The following RAP1GAP2 variants were observed in gnomAD, a reference collection of about 807,000 sequenced individuals.
RAP1GAP2 encodes rap1 GTPase-activating protein 2.
A neutral mutation model predicts 95.0 loss-of-function variants in RAP1GAP2; 27 were observed. The ratio of observed to expected loss-of-function variants is 0.28; its 90% CI spans 0.21 to 0.39. The LOEUF (loss-of-function observed/expected upper bound fraction) is 0.39. RAP1GAP2 is among the 10% of genes least tolerant of loss of function. The pLI, the probability that RAP1GAP2 is intolerant of heterozygous loss-of-function variation, is 1.00. For missense variants in RAP1GAP2, 771 were observed against 970.0 expected, an observed-to-expected ratio of 0.79 and a Z score of 2.72; for synonymous variants, 373 against 380.9, an observed-to-expected ratio of 0.98 and a Z score of 0.24.
At chr17:2,839,025 A>G (rs899854201) in intron 2 of RAP1GAP2, among the ~76,000 whole-genome samples, 1 of 152,056 alleles carries the variant, frequency 6.6e-6, no homozygotes, top group Admixed American at 6.6e-5. Context: ...AGAAAAGGCC[A>G]AGTGTGGTGG....
At chr17:2,765,160 TA>T (rs779850809) in intron 1 of RAP1GAP2, among the ~76,000 whole-genome samples, 22 of 152,100 alleles carry the variant, frequency 1.4e-4, no homozygotes, top group Admixed American at 2.0e-4. Context: ...ATGGAAGTCA[TA>T]ATCTTTCCTC....
intron 2 of RAP1GAP2, among the ~76,000 whole-genome samples, chr17:2,833,707 A>G (rs1005978536): frequency 3.4e-4 from 52 of 150,848 alleles, no homozygotes; most frequent in Non-Finnish European, 1.9e-4. Flanking sequence ...AAAAAAAAAA[A>G]AAAAGAAAAG....
intron 16 of RAP1GAP2, 62 bp downstream of exon 16, chr17:3,006,103 A>T: frequency 8.8e-7 from 1 of 1,137,886 alleles, no homozygotes; most frequent in Non-Finnish European, 1.3e-6. Context: ...AGCCAGCCTC[A>T]TCCAGGGCTC....
At chr17:2,847,069 C>T (rs191541820) in intron 2 of RAP1GAP2, among the ~76,000 whole-genome samples, 21 of 152,110 alleles carry the variant, frequency 1.4e-4, no homozygotes, top group Middle Eastern at 3.4e-3. Context: ...AGTGCAGTGG[C>T]GCGATCTCGG....
chr17:3,000,371 T>A (rs188351309), intron 14 of RAP1GAP2, among the ~76,000 whole-genome samples: 25 of 152,290 alleles, frequency 1.6e-4, no homozygotes, highest in East Asian at 1.5e-3. Context: ...TGCGCCAAGC[T>A]CCAGGCTGGA....
chr17:2,910,000 G>T (rs1466496007), intron 3 of RAP1GAP2, among the ~76,000 whole-genome samples: 1 of 152,168 alleles, frequency 6.6e-6, no homozygotes, highest in Admixed American at 6.5e-5. Flanking sequence ...CCCTTTGTGT[G>T]AAAGCTAACC....
intron 20 of RAP1GAP2, 100 bp from the exon 21 acceptor site, chr17:3,026,250 G>A (rs955091452): frequency 1.9e-5 from 25 of 1,313,274 alleles, no homozygotes; most frequent in East Asian, 2.5e-5. Context: ...AAGGCCGACG[G>A]GTGGGGGCGT....
At chr17:2,951,898 G>A (rs545373043) in intron 3 of RAP1GAP2, among the ~76,000 whole-genome samples, 1 of 152,224 alleles carries the variant, frequency 6.6e-6, no homozygotes, top group African/African-American at 2.4e-5. Context: ...ACTGGGTTTG[G>A]TGGTGGGCGC....
upstream of RAP1GAP2, among the ~76,000 whole-genome samples, chr17:2,775,443 G>A (rs1224141990): frequency 2.0e-5 from 3 of 151,288 alleles, no homozygotes; most frequent in South Asian, 2.1e-4. Flanking sequence ...GCACAGGGGC[G>A]ACCACATAAA....
Position 2,957,811 on chromosome 17 carries a change from A to T in RAP1GAP2, c.201+17A>T. On this transcript the variant is annotated intron_variant, in intron 4 of 24. Transcript: ENST00000254695. ...AAAATGCAGGTGAGTACGTACCCCC[A>T]CCGTGGCGGGGAAGAAGCCCAGCCC... is the stretch of plus-strand genomic sequence containing the variant. The T allele has an allele frequency of 6.4e-7, 1 of 1,571,834 alleles. No homozygotes were observed. The highest frequency in any genetic ancestry group is 8.6e-7 in the Non-Finnish European group (1 of 1,156,670).
At chr17:2,768,275 T>C (rs2068314622) in intron 1 of RAP1GAP2, among the ~76,000 whole-genome samples, 1 of 152,230 alleles carries the variant, frequency 6.6e-6, no homozygotes, top group South Asian at 2.1e-4. Context: ...ACATTCCCAC[T>C]GATAATGTAT....
chr17:2,951,872 A>G (rs553276334), intron 3 of RAP1GAP2, among the ~76,000 whole-genome samples: 21 of 152,158 alleles, frequency 1.4e-4, no homozygotes, highest in Admixed American at 1.4e-3. Flanking sequence ...TGTCTCTACT[A>G]AAAATACAAA....
chr17:2,873,066 G>A (rs888684731), intron 2 of RAP1GAP2, among the ~76,000 whole-genome samples: 47 of 150,288 alleles, frequency 3.1e-4, no homozygotes, highest in African/African-American at 9.5e-4. Flanking sequence ...TTGCGCCACC[G>A]CACTCCAGCC....
intron 2 of RAP1GAP2, among the ~76,000 whole-genome samples, chr17:2,845,553 A>G (rs2071546663): frequency 6.6e-6 from 1 of 152,312 alleles, no homozygotes; most frequent in South Asian, 2.1e-4. Context: ...ATGTTTTTGT[A>G]TCTTAGATTG....
intron 2 of RAP1GAP2, among the ~76,000 whole-genome samples, chr17:2,828,567 A>T (rs2070690792): frequency 6.6e-6 from 1 of 152,076 alleles, no homozygotes; most frequent in Admixed American, 6.6e-5. Context: ...AGCCGGCGGG[A>T]AGAGCGGGTG....
chr17:2,957,456 G>T (rs949057162), intron 3 of RAP1GAP2, among the ~76,000 whole-genome samples: 1 of 152,256 alleles, frequency 6.6e-6, no homozygotes, highest in African/African-American at 2.4e-5. Context: ...ATAGGCGTTT[G>T]CAGAATTTGG....
At chr17:2,835,679 C>G (rs147879962) in intron 2 of RAP1GAP2, among the ~76,000 whole-genome samples, 3 of 152,168 alleles carry the variant, frequency 2.0e-5, no homozygotes, top group Non-Finnish European at 4.4e-5. Flanking sequence ...GAGCTATGAT[C>G]GCACCACTGC....
chr17:2,798,484 G>A (rs1161276748), intron 1 of RAP1GAP2, among the ~76,000 whole-genome samples: 1 of 152,162 alleles, frequency 6.6e-6, no homozygotes, highest in African/African-American at 2.4e-5. Flanking sequence ...TGGGGTTTGG[G>A]CCTCCTCATC....
chr17:3,000,137 C>T (rs376704171), intron 14 of RAP1GAP2, among the ~76,000 whole-genome samples: 8 of 152,098 alleles, frequency 5.3e-5, no homozygotes, highest in South Asian at 2.1e-4. Flanking sequence ...TTAGTAGAGA[C>T]GGGGTTTCTC....
Sources: gnomAD v4.1 joint callset for allele counts (sites outside exome capture counted in the v4.1 genomes callset) on GRCh38, gnomAD v4.1.1 for gene constraint, MANE v1.5 for transcripts, NCBI Gene and HGNC (gene_info 2026-07-23, HGNC 2026-07-21) for gene names.